Variants in KATNIP observed in about 807,000 individuals in gnomAD.
KATNIP encodes the protein katanin interacting protein, also known as katanin-interacting protein.
Under a neutral mutation model 174.0 loss-of-function variants are expected in KATNIP, and 126 were observed. The ratio of observed to expected loss-of-function variants is 0.72; its 90% CI spans 0.63 to 0.84. KATNIP has a LOEUF of 0.84. KATNIP is among the 40% of genes least tolerant of loss of function. The probability of loss-of-function intolerance (pLI) is 0.00; values close to 1 mark genes in which losing one functional copy is unlikely to be tolerated. For missense variants in KATNIP, 1,958 were observed against 2,109.7 expected (o/e 0.93, Z 1.41); for synonymous variants, 810 against 835.7 (o/e 0.97, Z 0.53).
intron 5 of KATNIP, among the ~76,000 whole-genome samples, chr16:27,639,445 A>G (rs2076732271): frequency 1.3e-5 from 2 of 152,250 alleles, no homozygotes; most frequent in African/African-American, 2.4e-5. Context: ...TTGGGTGGAC[A>G]GCGGCCTAAT....
intron 1 of KATNIP, among the ~76,000 whole-genome samples, chr16:27,569,981 C>T (rs529840287): frequency 6.6e-6 from 1 of 152,094 alleles, no homozygotes; most frequent in Non-Finnish European, 1.5e-5. Context: ...CTCCTGGCCT[C>T]CAGTGATCCT....
chr16:27,773,091 T>G lies in KATNIP; in HGVS notation c.4199-8T>G. On this transcript the variant is annotated splice_region_variant and splice_polypyrimidine_tract_variant and intron_variant, in intron 22 of 27. Transcript: ENST00000261588. The stretch of plus-strand genomic sequence containing the variant: ...TTAAGCCTTCTTTTCCTTAATAAAG[T>G]GTCCCAGTCATTTTCCAGTTTCAGC... 1 of 1,545,776 alleles carries G rather than the reference T, an allele frequency of 6.5e-7. No individual in the cohort carries two copies. Among genetic ancestry groups the G allele is most frequent in the Non-Finnish European group, 8.9e-7 (1 of 1,128,738 alleles).
intron 8 of KATNIP, among the ~76,000 whole-genome samples, chr16:27,686,244 T>A (rs1260934427): frequency 6.6e-6 from 1 of 152,208 alleles, no homozygotes; most frequent in Admixed American, 6.5e-5. Context: ...TATGCTTTAC[T>A]CTGTATCTGG....
chr16:27,636,427 T>C (rs919662421), intron 5 of KATNIP, among the ~76,000 whole-genome samples: 1 of 152,192 alleles, frequency 6.6e-6, no homozygotes, highest in African/African-American at 2.4e-5. Context: ...CTTTGGGGCA[T>C]TTGAATTTGT....
At chr16:27,607,714 C>T (rs906838613) in intron 2 of KATNIP, among the ~76,000 whole-genome samples, 4 of 151,538 alleles carry the variant, frequency 2.6e-5, no homozygotes, top group Non-Finnish European at 5.9e-5. Context: ...TCTCCTGCCT[C>T]AGCCTCCTGA....
At chr16:27,713,858 CTA>C (rs1329192082) in intron 13 of KATNIP, among the ~76,000 whole-genome samples, 5 of 40,472 alleles carry the variant, frequency 1.2e-4, no homozygotes, top group Admixed American at 3.4e-4. Flanking sequence ...ATATATATAT[CTA>C]TCTCAGATTG....
At chr16:27,657,604 A>G (rs1050973866) in intron 6 of KATNIP, among the ~76,000 whole-genome samples, 46 of 151,638 alleles carry the variant, frequency 3.0e-4, no homozygotes, top group African/African-American at 1.1e-3. Flanking sequence ...AAACAAAACA[A>G]AACAAAACAA....
At chr16:27,726,964 T>G (rs1033118533) in intron 14 of KATNIP, among the ~76,000 whole-genome samples, 9 of 152,298 alleles carry the variant, frequency 5.9e-5, no homozygotes, top group African/African-American at 1.7e-4. Flanking sequence ...AGGCAGAATA[T>G]AGTATGGTCA....
At chr16:27,694,745 G>A (rs1171252035) in intron 8 of KATNIP, among the ~76,000 whole-genome samples, 7 of 151,994 alleles carry the variant, frequency 4.6e-5, no homozygotes, top group Admixed American at 2.6e-4. Flanking sequence ...GCAGTGAGCC[G>A]AGATTGTGCC....
chr16:27,591,395 G>C (rs2075160514), intron 2 of KATNIP, among the ~76,000 whole-genome samples: 1 of 152,044 alleles, frequency 6.6e-6, no homozygotes, highest in Non-Finnish European at 1.5e-5. Flanking sequence ...ATCTTGGCCA[G>C]GATGGTCTTG....
intron 15 of KATNIP, among the ~76,000 whole-genome samples, chr16:27,746,249 C>T (rs541010925): frequency 6.6e-6 from 1 of 152,338 alleles, no homozygotes; most frequent in Admixed American, 6.5e-5. Context: ...ATCCCTGACA[C>T]GTGACATTCG....
At chr16:27,592,846 C>T (rs562079054) in intron 2 of KATNIP, among the ~76,000 whole-genome samples, 7 of 152,292 alleles carry the variant, frequency 4.6e-5, no homozygotes, top group African/African-American at 1.4e-4. Flanking sequence ...TGAGCCACTG[C>T]GCCCAGCTTA....
chr16:27,634,710 C>T (rs979847625), intron 5 of KATNIP, among the ~76,000 whole-genome samples: 1 of 152,250 alleles, frequency 6.6e-6, no homozygotes, highest in East Asian at 1.9e-4. Context: ...CCTCTCCTCA[C>T]CTCACTTCTG....
chr16:27,761,536 C>T lies in KATNIP; in HGVS notation c.3755C>T (p.Pro1252Leu), dbSNP rs755609611. ...CACCTGCACCAGATCTCTGCTTCCC[C>T]CAGAGACTTAAATGAGCTCCCCGAG... is the stretch of plus-strand genomic sequence containing the variant. ...PIHLHQISAS[P>L]RDLNELPEYS... The change falls in exon 19 of 28, where the codon CCC (proline) becomes CTC (leucine). Residue 1252 changes from proline (P) to leucine (L), a missense_variant. By Grantham distance (98) the Pro-to-Leu change is moderately conservative. Coordinates refer to ENST00000261588, the MANE Select transcript of KATNIP (RefSeq NM_015202.5). The T allele has an allele frequency of 1.2e-6, 2 of 1,614,092 alleles. No individual in the cohort carries two copies. Among genetic ancestry groups the T allele is most frequent in the Admixed American group, 3.3e-5 (2 of 60,018 alleles).
chr16:27,660,818 G>C (rs1483252334), intron 6 of KATNIP, among the ~76,000 whole-genome samples: 2 of 152,034 alleles, frequency 1.3e-5, no homozygotes, highest in African/African-American at 4.8e-5. Context: ...TAGGTCTTTT[G>C]CAAGTTCAGT....
intron 14 of KATNIP, among the ~76,000 whole-genome samples, chr16:27,735,917 A>G (rs998371515): frequency 6.6e-6 from 1 of 152,234 alleles, no homozygotes; most frequent in Non-Finnish European, 1.5e-5. Flanking sequence ...CGCTTTTCTG[A>G]TCAGGTTCAT....
rs546235025 is a variant in KATNIP, at chr16:27,745,447, A to T, written c.2624-4137A>T. Among the ~76,000 whole-genome samples the T allele has an allele frequency of 2.3e-4, 35 of 152,328 alleles. No individual in the cohort carries two copies. The East Asian group carries it at 4.8e-3, about 21-fold the overall frequency. ...GAAATGGCCTCACAGCCCTGGAGTGACTATGCCCAGCTCTTGTTCCTGCAA... is the reference window on the plus strand; with the variant it reads ...GAAATGGCCTCACAGCCCTGGAGTGTCTATGCCCAGCTCTTGTTCCTGCAA... On this transcript the variant is annotated intron_variant, in intron 15 of 27. Transcript: ENST00000261588.
intron 6 of KATNIP, among the ~76,000 whole-genome samples, chr16:27,654,076 A>G (rs1460917774): frequency 6.6e-6 from 1 of 152,210 alleles, no homozygotes; most frequent in African/African-American, 2.4e-5. Context: ...CCTGGGTTCA[A>G]GCAGTTCTTC....
chr16:27,761,707 A>G, intron 19 of KATNIP, 117 bp downstream of exon 19: 1 of 918,330 alleles, frequency 1.1e-6, no homozygotes, highest in Non-Finnish European at 1.7e-6. Flanking sequence ...TCCCCTGGCC[A>G]CCCTGTGAGG....
Sources: allele counts gnomAD v4.1 joint callset (sites outside exome capture counted in the v4.1 genomes callset), GRCh38; gene constraint gnomAD v4.1.1; transcripts MANE v1.5; gene names NCBI Gene and HGNC (gene_info 2026-07-23, HGNC 2026-07-21).